ASTN2: variants seen among roughly 807,000 people sequenced by gnomAD.
The protein encoded by ASTN2 is astrotactin-2.
ASTN2 carries 54 observed loss-of-function variants against 139.8 expected under a neutral mutation model. The observed-to-expected ratio is 0.39, with a 90% CI of 0.31 to 0.48. The LOEUF (loss-of-function observed/expected upper bound fraction) is 0.48. Among genes scored for constraint, ASTN2 ranks in the 20% least tolerant of loss-of-function variants. The pLI, the probability that ASTN2 is intolerant of heterozygous loss-of-function variation, is 0.95. For synonymous variants in ASTN2, 756 were observed against 719.5 expected, an observed-to-expected ratio of 1.05 and a Z score of -0.81; for missense variants, 1,565 against 1,725.1, an observed-to-expected ratio of 0.91 and a Z score of 1.64.
At position 116,911,578 on chromosome 9, in the gene ASTN2, T is replaced by G. The variant is rs1834310944; in HGVS notation, c.1890-47845A>C. On this transcript the variant is annotated intron_variant, in intron 10 of 22. Transcript: ENST00000313400. ...ATGCTGGTTTCTTAGTTTTTACAAC[T>G]GTATCATGGTAAAGTAAGTTGTTAA... 4.6e-5 allele frequency among the ~76,000 whole-genome samples: 7 copies of G among 152,230 alleles called. 1 individual carries two copies. The highest frequency in any genetic ancestry group is 4.6e-4 in the Admixed American group (7 of 15,278).
chr9:117,193,765 T>C (rs10818008), intron 3 of ASTN2, among the ~76,000 whole-genome samples: 60,223 of 152,040 alleles, frequency 0.4, 13,552 homozygotes, highest in Middle Eastern at 0.55. Context: ...TTGCTTTTGT[T>C]AAAACAATTC....
At chr9:116,481,664 G>A (rs1456393429) in intron 20 of ASTN2, among the ~76,000 whole-genome samples, 1 of 152,080 alleles carries the variant, frequency 6.6e-6, no homozygotes, top group East Asian at 1.9e-4. Context: ...TTTAATTTGG[G>A]GGAGGTATGA....
intron 19 of ASTN2, among the ~76,000 whole-genome samples, chr9:116,563,996 T>G (rs1853056453): frequency 6.6e-6 from 1 of 152,196 alleles, no homozygotes; most frequent in African/African-American, 2.4e-5. Context: ...GGACAAGCAT[T>G]TATATACCAT....
At chr9:116,473,696 G>C (rs1245339835) in intron 20 of ASTN2, among the ~76,000 whole-genome samples, 1 of 152,122 alleles carries the variant, frequency 6.6e-6, no homozygotes, top group Non-Finnish European at 1.5e-5. Flanking sequence ...TCAGGAGTTC[G>C]AGACCAGCCC....
At chr9:116,485,772 C>T (rs932725107) in intron 20 of ASTN2, among the ~76,000 whole-genome samples, 1 of 152,222 alleles carries the variant, frequency 6.6e-6, no homozygotes, top group African/African-American at 2.4e-5. Flanking sequence ...TGGGTCCCAA[C>T]ATCTAAGAGA....
chr9:116,847,846 A>C (rs1832486077), intron 11 of ASTN2, among the ~76,000 whole-genome samples: 1 of 152,194 alleles, frequency 6.6e-6, no homozygotes, highest in African/African-American at 2.4e-5. Flanking sequence ...TCATGGAGAG[A>C]GGTGCTGACG....
intron 13 of ASTN2, among the ~76,000 whole-genome samples, chr9:116,739,474 GGAATTTGCCCTCCC>G (rs1829039172): frequency 3.0e-5 from 1 of 33,742 alleles, no homozygotes; most frequent in African/African-American, 5.6e-5. Context: ...CCCTCTCTCT[GGAATTTGCCCTCCC>G]TCTGGAATTT....
At chr9:116,660,825 T>C (rs1051237726) in intron 16 of ASTN2, among the ~76,000 whole-genome samples, 3 of 152,198 alleles carry the variant, frequency 2.0e-5, no homozygotes, top group African/African-American at 7.2e-5. Flanking sequence ...TCTCCAACCT[T>C]AGTTTGTTCA....
chr9:117,120,008 G>GTATATA (rs1203112485), intron 4 of ASTN2, among the ~76,000 whole-genome samples: 180 of 45,510 alleles, frequency 4.0e-3, no homozygotes, highest in African/African-American at 0.013. Flanking sequence ...GTGTGTGTGT[G>GTATATA]TGTGTGTGTG....
At chr9:117,278,731 T>C (rs577299543) in intron 2 of ASTN2, among the ~76,000 whole-genome samples, 1 of 152,276 alleles carries the variant, frequency 6.6e-6, no homozygotes, top group South Asian at 2.1e-4. Context: ...GCTGGGAACA[T>C]TAGCAGCCGA....
intron 2 of ASTN2, among the ~76,000 whole-genome samples, chr9:117,279,820 T>G (rs1462911385): frequency 6.6e-6 from 1 of 152,238 alleles, no homozygotes; most frequent in Non-Finnish European, 1.5e-5. Context: ...TGATGCCTCT[T>G]CCAGCTTATG....
intron 16 of ASTN2, among the ~76,000 whole-genome samples, chr9:116,660,753 C>G (rs901495227): frequency 6.6e-6 from 1 of 152,150 alleles, no homozygotes; most frequent in Non-Finnish European, 1.5e-5. Flanking sequence ...GAATTGAATG[C>G]GTAAGTCCAA....
At chr9:116,553,732 T>A (rs959045985) in intron 19 of ASTN2, among the ~76,000 whole-genome samples, 9 of 152,194 alleles carry the variant, frequency 5.9e-5, no homozygotes, top group African/African-American at 1.9e-4. Flanking sequence ...CTAGCACACC[T>A]AGCCACATTG....
chr9:117,406,897 CACAA>C (rs1231746477), intron 1 of ASTN2, among the ~76,000 whole-genome samples: 1 of 133,708 alleles, frequency 7.5e-6, no homozygotes, highest in Non-Finnish European at 1.6e-5. Flanking sequence ...CACACACACA[CACAA>C]CACAGAGGGA....
intron 5 of ASTN2, among the ~76,000 whole-genome samples, chr9:117,070,779 C>G (rs1469710159): frequency 2.6e-5 from 4 of 151,870 alleles, no homozygotes; most frequent in Non-Finnish European, 4.4e-5. Context: ...ATTGCTGACA[C>G]CCTTTCTTCC....
At chr9:116,727,893 G>C (rs576953579) in intron 15 of ASTN2, among the ~76,000 whole-genome samples, 19 of 152,270 alleles carry the variant, frequency 1.2e-4, no homozygotes, top group African/African-American at 4.6e-4. Context: ...ATGCTTAACA[G>C]ATGTCAGCAA....
chr9:116,452,047 C>T (rs1369469202), intron 20 of ASTN2, among the ~76,000 whole-genome samples: 1 of 152,082 alleles, frequency 6.6e-6, no homozygotes, highest in Non-Finnish European at 1.5e-5. Context: ...CATAATTGTA[C>T]TAGCTATAGT....
chr9:116,500,970 C>T (rs1337747645), intron 19 of ASTN2, among the ~76,000 whole-genome samples: 1 of 152,116 alleles, frequency 6.6e-6, no homozygotes, highest in Admixed American at 6.6e-5. Flanking sequence ...CCTCCCAAAC[C>T]AGAACTGCAC....
intron 2 of ASTN2, among the ~76,000 whole-genome samples, chr9:117,275,549 C>A: frequency 6.9e-6 from 1 of 144,112 alleles, no homozygotes; most frequent in African/African-American, 2.5e-5. Flanking sequence ...TCACTGATGT[C>A]TTTTATCTCT....
Sources: allele counts gnomAD v4.1 joint callset (sites outside exome capture counted in the v4.1 genomes callset), GRCh38; gene constraint gnomAD v4.1.1; transcripts MANE v1.5; gene names NCBI Gene and HGNC (gene_info 2026-07-23, HGNC 2026-07-21).